ASAP1: variants seen among roughly 807,000 people sequenced by gnomAD.
The protein encoded by ASAP1 is ArfGAP with SH3 domain, ankyrin repeat and PH domain 1.
Under a neutral mutation model 145.2 loss-of-function variants are expected in ASAP1, and 43 were observed. The ratio of observed to expected loss-of-function variants is 0.30; its 90% CI spans 0.23 to 0.38. The LOEUF (loss-of-function observed/expected upper bound fraction) is 0.38, where lower values mean the gene tolerates loss of function less well. Ranked by LOEUF, ASAP1 falls within the 10% of genes least tolerant of loss-of-function variation. ASAP1 has a pLI of 1.00. For synonymous variants in ASAP1, 546 were observed against 515.5 expected (o/e 1.06, Z -0.80); for missense variants, 1,018 against 1,355.3 (o/e 0.75, Z 3.91).
At chr8:130,127,534 A>AT (rs1467858462) in intron 16 of ASAP1, among the ~76,000 whole-genome samples, 1 of 152,104 alleles carries the variant, frequency 6.6e-6, no homozygotes, top group African/African-American at 2.4e-5. Context: ...TTACTGACCC[A>AT]TTTTTTAGGA....
chr8:130,112,874 G>C (rs2097549021), intron 23 of ASAP1, among the ~76,000 whole-genome samples: 1 of 152,160 alleles, frequency 6.6e-6, no homozygotes, highest in Non-Finnish European at 1.5e-5. Flanking sequence ...AGGTATCTCT[G>C]GTATTTGCGC....
At chr8:130,299,193 C>T (rs762960559) in intron 3 of ASAP1, among the ~76,000 whole-genome samples, 4 of 152,054 alleles carry the variant, frequency 2.6e-5, no homozygotes, top group East Asian at 1.9e-4. Flanking sequence ...ACAGTGGCAA[C>T]GACAGAGGCT....
intron 3 of ASAP1, among the ~76,000 whole-genome samples, chr8:130,317,566 C>A (rs1308068396): frequency 6.6e-6 from 1 of 152,208 alleles, no homozygotes; most frequent in Non-Finnish European, 1.5e-5. Flanking sequence ...GCCTCCTCTC[C>A]CAAATGGAAA....
intron 1 of ASAP1, among the ~76,000 whole-genome samples, chr8:130,424,112 T>A (rs1829824253): frequency 6.6e-6 from 1 of 152,122 alleles, no homozygotes; most frequent in African/African-American, 2.4e-5. Flanking sequence ...TAATTTAAAA[T>A]GGATAACAAA....
chr8:130,141,177 C>T (rs1477789765), intron 13 of ASAP1, among the ~76,000 whole-genome samples: 1 of 152,138 alleles, frequency 6.6e-6, no homozygotes, highest in Non-Finnish European at 1.5e-5. Context: ...GAAAACAAAA[C>T]AGGAGAAACT....
At chr8:130,367,820 A>G (rs1473045254) in intron 2 of ASAP1, among the ~76,000 whole-genome samples, 1 of 152,240 alleles carries the variant, frequency 6.6e-6, no homozygotes, top group Non-Finnish European at 1.5e-5. Context: ...AATCTGTCAC[A>G]GTATTCTCTT....
intron 1 of ASAP1, among the ~76,000 whole-genome samples, chr8:130,427,549 G>C (rs998962481): frequency 6.6e-6 from 1 of 152,154 alleles, no homozygotes; most frequent in African/African-American, 2.4e-5. Flanking sequence ...ACCATACTCT[G>C]CAGGGGGTAT....
At chr8:130,159,839 G>C (rs778961349) in intron 12 of ASAP1, 25 bp downstream of exon 12, 1 of 1,563,298 alleles carries the variant, frequency 6.4e-7, no homozygotes, top group Non-Finnish European at 8.8e-7. Flanking sequence ...CACACACTGA[G>C]ACACTGGGCT....
chr8:130,310,457 C>G (rs2137533503), intron 3 of ASAP1, among the ~76,000 whole-genome samples: 1 of 152,210 alleles, frequency 6.6e-6, no homozygotes, highest in East Asian at 1.9e-4. Flanking sequence ...GGTGAAGAGT[C>G]TAAACTTCAT....
At chr8:130,204,020 T>C (rs951272515) in intron 5 of ASAP1, among the ~76,000 whole-genome samples, 1 of 152,192 alleles carries the variant, frequency 6.6e-6, no homozygotes, top group Non-Finnish European at 1.5e-5. Context: ...CAGCATACTC[T>C]AGAGCACGGG....
intron 5 of ASAP1, among the ~76,000 whole-genome samples, chr8:130,212,891 C>T (rs909377693): frequency 1.3e-5 from 2 of 152,208 alleles, no homozygotes; most frequent in Non-Finnish European, 2.9e-5. Flanking sequence ...TAAGCCAATA[C>T]ATTTGGTCCT....
chr8:130,167,512 G>A (rs1182572500), intron 11 of ASAP1, 24 bp downstream of exon 11: 16 of 1,590,528 alleles, frequency 1.0e-5, no homozygotes, highest in South Asian at 2.2e-5. Context: ...TGTTAGCCCT[G>A]TTGTAAACAT....
chr8:130,202,429 T>A (rs978131274), intron 5 of ASAP1, among the ~76,000 whole-genome samples: 2 of 152,198 alleles, frequency 1.3e-5, no homozygotes, highest in African/African-American at 4.8e-5. Flanking sequence ...AATGACAGTC[T>A]TAGCACAGAT....
intron 12 of ASAP1, among the ~76,000 whole-genome samples, chr8:130,157,948 C>T (rs1181132178): frequency 6.6e-6 from 1 of 152,130 alleles, no homozygotes; most frequent in African/African-American, 2.4e-5. Flanking sequence ...AATGTCAGCT[C>T]TATCAGGGCC....
intron 17 of ASAP1, among the ~76,000 whole-genome samples, chr8:130,125,482 T>G (rs953500674): frequency 2.0e-5 from 3 of 152,196 alleles, no homozygotes; most frequent in African/African-American, 7.2e-5. Flanking sequence ...AAAGAAGTTA[T>G]GGGTTCAAGA....
intron 3 of ASAP1, among the ~76,000 whole-genome samples, chr8:130,343,971 A>C: frequency 6.6e-6 from 1 of 152,170 alleles, no homozygotes; most frequent in South Asian, 2.1e-4. Context: ...TGACTTTTAA[A>C]TTTTCTTCTT....
intron 3 of ASAP1, among the ~76,000 whole-genome samples, chr8:130,340,124 G>A (rs536784935): frequency 1.3e-5 from 2 of 152,226 alleles, no homozygotes; most frequent in African/African-American, 4.8e-5. Context: ...CCAACATTTC[G>A]GCACAGTGGG....
At chr8:130,409,242 A>T (rs1478551686) in intron 1 of ASAP1, among the ~76,000 whole-genome samples, 1 of 149,746 alleles carries the variant, frequency 6.7e-6, no homozygotes, top group Non-Finnish European at 1.5e-5. Context: ...AGCCTGGGTG[A>T]CAGAGTGAGA....
intron 3 of ASAP1, among the ~76,000 whole-genome samples, chr8:130,326,088 C>CATGT (rs1824308408): frequency 6.6e-6 from 1 of 152,152 alleles, no homozygotes; most frequent in African/African-American, 2.4e-5. Context: ...CCTTAACCAC[C>CATGT]GTCTATAGTT....
Sources: gnomAD v4.1 joint callset for allele counts (sites outside exome capture counted in the v4.1 genomes callset) on GRCh38, gnomAD v4.1.1 for gene constraint, MANE v1.5 for transcripts, NCBI Gene and HGNC (gene_info 2026-07-23, HGNC 2026-07-21) for gene names.